ANKRD46: variants seen among roughly 807,000 people sequenced by gnomAD.
The protein encoded by ANKRD46 is ankyrin repeat domain-containing protein 46.
ANKRD46 carries 13 observed loss-of-function variants against 19.8 expected under a neutral mutation model. That is an observed-to-expected ratio of 0.66 (90% CI 0.43 to 1.04). The LOEUF is 1.04. ANKRD46 is among the 50% of genes least tolerant of loss of function. The probability of loss-of-function intolerance (pLI) is 0.00; values close to 1 mark genes in which losing one functional copy is unlikely to be tolerated. For synonymous variants in ANKRD46, 91 were observed against 106.9 expected (o/e 0.85, Z 0.92); for missense variants, 185 against 274.8 (o/e 0.67, Z 2.31).
At chr8:100,540,669 T>C (rs1389746484) in intron 1 of ANKRD46, among the ~76,000 whole-genome samples, 1 of 152,234 alleles carries the variant, frequency 6.6e-6, no homozygotes, top group Non-Finnish European at 1.5e-5. Flanking sequence ...AACTATTATT[T>C]GTTTGCATTA....
At chr8:100,558,739 A>G (rs1350384319) in intron 1 of ANKRD46, among the ~76,000 whole-genome samples, 1 of 152,080 alleles carries the variant, frequency 6.6e-6, no homozygotes, top group Non-Finnish European at 1.5e-5. Context: ...AGATGAGACC[A>G]AATCTCGCTC....
At position 100,521,037 on chromosome 8, in the gene ANKRD46, T is replaced by C. The variant is rs1811713909; in HGVS notation, c.*1518A>G. 10 of 985,148 alleles carry C rather than the reference T, an allele frequency of 1.0e-5. No individual in the cohort carries two copies. Among genetic ancestry groups the C allele is most frequent in the Non-Finnish European group, 1.2e-5 (10 of 829,924 alleles). 61.0% of individuals were successfully genotyped at this position (985,148 alleles called of 1,614,324 possible). ...TTTTTTGCTGGATTTACACCAACTA[T>C]GATTTACTTTGTTTGTATCTAACCT... is the stretch of plus-strand genomic sequence containing the variant. On this transcript the variant is annotated 3_prime_UTR_variant, in exon 5 of 5. Coordinates refer to ENST00000335659, the MANE Select transcript of ANKRD46 (RefSeq NM_001270377.2).
chr8:100,552,388 T>C (rs1007115338), intron 1 of ANKRD46, among the ~76,000 whole-genome samples: 1 of 152,038 alleles, frequency 6.6e-6, no homozygotes, highest in Non-Finnish European at 1.5e-5. Flanking sequence ...GCGCTTTTTT[T>C]TTTTTAACAT....
Position 100,510,568 on chromosome 8 carries a change from A to T in ANKRD46, c.*9T>A, listed in dbSNP as rs1274097552. 1 of 1,535,278 alleles carries T rather than the reference A, an allele frequency of 6.5e-7. No individual in the cohort carries two copies. The highest frequency in any genetic ancestry group is 8.7e-7 in the Non-Finnish European group (1 of 1,146,564). ...TGAGGCTCAGGAGCACAGGACACTG[A>T]CCTAGAGATTAGATGGCCTGGATTC... On this transcript the variant is annotated 3_prime_UTR_variant, in exon 6 of 6. Coordinates refer to the ANKRD46 transcript ENST00000520552. The surrounding 1 kb of genome is among the most constrained non-coding windows in gnomAD (Gnocchi z 4.9).
rs1811721757 is a variant in ANKRD46 at position 100,521,448 on chromosome 8, A to G, written c.*1107T>C. The G allele has an allele frequency of 3.0e-6, 3 of 985,340 alleles. No homozygotes were observed. The highest frequency in any genetic ancestry group is 1.2e-4 in the Admixed American group (2 of 16,268). The allele number at this position is 985,340 out of a possible 1,614,324, so 61.0% of individuals were successfully genotyped here. ...AAGAGGCCTTCAAACATACTGCTGA[A>G]AGCTGCAATATAGTTTGAGGGCCAG... On this transcript the variant is annotated 3_prime_UTR_variant, in exon 5 of 5. Transcript: ENST00000335659.
chr8:100,546,888 G>C lies in ANKRD46; in HGVS notation c.-131+12823C>G, dbSNP rs113996859. On this transcript the variant is annotated intron_variant, in intron 1 of 4. Coordinates refer to ENST00000335659, the MANE Select transcript of ANKRD46 (RefSeq NM_001270377.2). This position sits in a 1 kb window ranked among gnomAD's most constrained non-coding sequence, Gnocchi z 4.0. ...GGAGTTTAAGATTCAATGACTGCCTGGCTGGGTTTCAGACTTGCATGAGGC... is the reference window on the plus strand; with the variant it reads ...GGAGTTTAAGATTCAATGACTGCCTCGCTGGGTTTCAGACTTGCATGAGGC... Among the ~76,000 whole-genome samples the C allele has an allele frequency of 7.6e-3, 1,157 of 152,342 alleles. 18 individuals carry two copies. The highest frequency in any genetic ancestry group is 0.026 in the African/African-American group (1,073 of 41,572).
chr8:100,513,600 T>C (rs1449420371), intron 5 of ANKRD46, among the ~76,000 whole-genome samples: 1 of 152,204 alleles, frequency 6.6e-6, no homozygotes, highest in African/African-American at 2.4e-5. Flanking sequence ...TGATCCAAAA[T>C]TGGAACTTAC....
chr8:100,530,841 G>A (rs753485422), intron 2 of ANKRD46, among the ~76,000 whole-genome samples: 4 of 152,030 alleles, frequency 2.6e-5, no homozygotes, highest in Admixed American at 1.3e-4. Context: ...AATTCCCACC[G>A]TCCAAAGACT....
At chr8:100,512,865 C>G (rs938817353) in intron 5 of ANKRD46, among the ~76,000 whole-genome samples, 1 of 152,198 alleles carries the variant, frequency 6.6e-6, no homozygotes, top group African/African-American at 2.4e-5. Context: ...AACGTATACA[C>G]TTCCCTGTTC....
At chr8:100,533,772 G>A (rs188824082) in intron 1 of ANKRD46, among the ~76,000 whole-genome samples, 1 of 152,286 alleles carries the variant, frequency 6.6e-6, no homozygotes, top group East Asian at 1.9e-4. Flanking sequence ...AACCAAACAG[G>A]ATACATTTAA....
Position 100,510,301 on chromosome 8 carries a change from C to T in ANKRD46, c.*276G>A. The T allele has an allele frequency of 2.6e-6, 1 of 384,252 alleles. No homozygotes were observed. The highest frequency in any genetic ancestry group is 4.7e-6 in the Non-Finnish European group (1 of 214,726). 23.8% of individuals were successfully genotyped at this position (384,252 alleles called of 1,614,324 possible). On this transcript the variant is annotated 3_prime_UTR_variant, in exon 6 of 6. Coordinates refer to the ANKRD46 transcript ENST00000520552. This position sits in a 1 kb window ranked among gnomAD's most constrained non-coding sequence, Gnocchi z 4.9. ...GTGATTTGCCTTGTGGAGGTGGCAT[C>T]CTGCCCGGGCGGAGGAGGGGATGGT...
chr8:100,529,835 GT>G lies in ANKRD46; in HGVS notation c.-3del. On this transcript the variant is annotated 5_prime_UTR_variant, in exon 3 of 5. Transcript: ENST00000335659. This position sits in a 1 kb window ranked among gnomAD's most constrained non-coding sequence, Gnocchi z 5.8. Reference sequence around the variant, plus strand: ...ATCATTTACAAAAACATACGACATTGTTCTGATGTGGTGGATGGAACACGCC... The same window carrying G: ...ATCATTTACAAAAACATACGACATTGTCTGATGTGGTGGATGGAACACGCC... 1 of 1,612,904 alleles carries G rather than the reference GT, an allele frequency of 6.2e-7. No homozygotes were observed. Among genetic ancestry groups the G allele is most frequent in the Non-Finnish European group, 8.5e-7 (1 of 1,179,050 alleles).
At chr8:100,555,722 TAAAAAAAAAAAAAAAAAAAAAAAAAAAA>T (rs59521764) in intron 1 of ANKRD46, among the ~76,000 whole-genome samples, 2 of 53,264 alleles carry the variant, frequency 3.8e-5, no homozygotes, top group East Asian at 9.9e-4. Context: ...TTTCCTCAGC[TAAAAAAAAAAAAAAAAAAAAAAAAAAAA>T]AAAAAAAAAA....
intron 1 of ANKRD46, among the ~76,000 whole-genome samples, chr8:100,555,672 G>T (rs1158274744): frequency 1.3e-5 from 1 of 76,526 alleles, no homozygotes; most frequent in African/African-American, 5.2e-5. Context: ...AATTCCTGGA[G>T]AAAAAAACAA....
chr8:100,522,898 CACACACATAT>C (rs764908096), intron 4 of ANKRD46, 127 bp from the exon 5 acceptor site: 30,579 of 469,108 alleles, frequency 0.065, 242 homozygotes, highest in African/African-American at 0.089. Flanking sequence ...CACACACACA[CACACACATAT>C]ATATATATAC....
chr8:100,540,191 T>G (rs1021881415), intron 1 of ANKRD46, among the ~76,000 whole-genome samples: 11 of 115,736 alleles, frequency 9.5e-5, no homozygotes, highest in Admixed American at 9.3e-4. Flanking sequence ...ACTCATTTCA[T>G]GAGTAAAAAA....
In ANKRD46 at chr8:100,544,519, C is replaced by T. The variant is rs998687683; in HGVS notation, c.-130-11208G>A. ...TTAAGTGATAAATAGCGAAGGCAGA[C>T]TTCCAGACTTGAATCAAGAGATCCA... On this transcript the variant is annotated intron_variant, in intron 1 of 4. Coordinates refer to ENST00000335659, the MANE Select transcript of ANKRD46 (RefSeq NM_001270377.2). The surrounding 1 kb of genome is among the most constrained non-coding windows in gnomAD (Gnocchi z 4.4). Among the ~76,000 whole-genome samples the T allele has an allele frequency of 6.6e-6, 1 of 152,178 alleles. No individual in the cohort carries two copies. Among genetic ancestry groups the T allele is most frequent in the Admixed American group, 6.5e-5 (1 of 15,288 alleles).
rs1389275514 is a variant in ANKRD46 at position 100,522,837 on chromosome 8, C to T, written c.471-66G>A. ...CAGCAATTCCAAAAACATAAAACCA[C>T]AGGGCTACTATTTAGAAAAGACCAA... On this transcript the variant is annotated intron_variant, in intron 4 of 4. Transcript: ENST00000335659. 2.2e-6 allele frequency: 3 copies of T among 1,348,622 alleles called. No individual in the cohort carries two copies. In the Admixed American group the frequency reaches 5.7e-5, roughly 26 times the overall value. The allele number at this position is 1,348,622 out of a possible 1,614,324, so 83.5% of individuals were successfully genotyped here. A position where few individuals can be genotyped will look rare whatever the true frequency, so the allele number is the denominator to read the frequency against.
intron 1 of ANKRD46, among the ~76,000 whole-genome samples, chr8:100,553,921 A>G (rs1812444493): frequency 6.6e-6 from 1 of 152,232 alleles, no homozygotes; most frequent in East Asian, 1.9e-4. Context: ...AGCTAAATAA[A>G]CCATTCGTGC....
Sources: allele counts gnomAD v4.1 joint callset (sites outside exome capture counted in the v4.1 genomes callset), GRCh38; gene constraint gnomAD v4.1.1; non-coding constraint Gnocchi (gnomAD v3.1); transcripts MANE v1.5; gene names NCBI Gene and HGNC (gene_info 2026-07-23, HGNC 2026-07-21).